The following AGBL4 variants were observed in gnomAD, a reference collection of about 807,000 sequenced individuals.
The protein encoded by AGBL4 is AGBL carboxypeptidase 4.
A neutral mutation model predicts 66.4 loss-of-function variants in AGBL4; 58 were observed. The ratio of observed to expected loss-of-function variants is 0.87; its 90% CI spans 0.71 to 1.09. The LOEUF (loss-of-function observed/expected upper bound fraction) is 1.09, where lower values mean the gene tolerates loss of function less well. Among genes scored for constraint, AGBL4 ranks in the 50% least tolerant of loss-of-function variants. The probability of loss-of-function intolerance (pLI) is 0.00; values close to 1 mark genes in which losing one functional copy is unlikely to be tolerated. For missense variants in AGBL4, 579 were observed against 631.0 expected (o/e 0.92, Z 0.88); for synonymous variants, 234 against 222.9 (o/e 1.05, Z -0.44).
chr1:49,479,937 G>A (rs1018590175), intron 3 of AGBL4, among the ~76,000 whole-genome samples: 1 of 151,656 alleles, frequency 6.6e-6, no homozygotes, highest in Non-Finnish European at 1.5e-5. Flanking sequence ...TCCATCTCCT[G>A]ACCTCGTGAT....
intron 4 of AGBL4, among the ~76,000 whole-genome samples, chr1:49,232,161 T>C (rs1250763050): frequency 6.6e-6 from 1 of 152,152 alleles, no homozygotes. Flanking sequence ...CAGTGATGGT[T>C]GCACAACTCT....
intron 4 of AGBL4, among the ~76,000 whole-genome samples, chr1:49,054,757 C>G (rs572111362): frequency 1.8e-4 from 28 of 152,066 alleles, no homozygotes; most frequent in African/African-American, 6.3e-4. Context: ...TCTTTACTGT[C>G]TGACATCAAT....
At chr1:49,572,980 G>T (rs545662024) in intron 3 of AGBL4, among the ~76,000 whole-genome samples, 2 of 152,134 alleles carry the variant, frequency 1.3e-5, no homozygotes, top group East Asian at 1.9e-4. Flanking sequence ...CATGCTGGAG[G>T]CTTCTTGCCC....
intron 2 of AGBL4, among the ~76,000 whole-genome samples, chr1:49,753,449 A>T (rs1466560460): frequency 6.6e-6 from 1 of 152,192 alleles, no homozygotes. Flanking sequence ...TGTTAGTCTG[A>T]TGGGCTTCCC....
intron 3 of AGBL4, among the ~76,000 whole-genome samples, chr1:49,266,633 G>A (rs1432849166): frequency 8.6e-6 from 1 of 116,820 alleles, no homozygotes; most frequent in Non-Finnish European, 1.8e-5. Context: ...ACACACACGC[G>A]AAGGTAGAGT....
intron 3 of AGBL4, among the ~76,000 whole-genome samples, chr1:49,488,679 C>T (rs1647121451): frequency 6.6e-6 from 1 of 151,708 alleles, no homozygotes; most frequent in Admixed American, 6.6e-5. Flanking sequence ...TTAACTGTCC[C>T]CACATCCCAC....
chr1:48,722,481 G>A (rs559059163), intron 6 of AGBL4, among the ~76,000 whole-genome samples: 1 of 140,416 alleles, frequency 7.1e-6, no homozygotes, highest in East Asian at 2.4e-4. Context: ...ATAATGAGTA[G>A]GGGGACTGGG....
At chr1:49,788,731 G>T (rs1441050767) in intron 2 of AGBL4, among the ~76,000 whole-genome samples, 1 of 152,200 alleles carries the variant, frequency 6.6e-6, no homozygotes, top group Non-Finnish European at 1.5e-5. Context: ...GAGAAATTAA[G>T]TTGAAGAAAA....
chr1:49,699,229 G>T (rs1364833555), intron 2 of AGBL4, among the ~76,000 whole-genome samples: 1 of 152,020 alleles, frequency 6.6e-6, no homozygotes, highest in Non-Finnish European at 1.5e-5. Context: ...TAAGCTTATA[G>T]TCTGAAAGAA....
chr1:49,932,143 A>G (rs1317285776), intron 1 of AGBL4, among the ~76,000 whole-genome samples: 1 of 152,228 alleles, frequency 6.6e-6, no homozygotes, highest in Admixed American at 6.5e-5. Flanking sequence ...CTGTACTGGC[A>G]TCAAGATAGG....
chr1:49,583,131 G>A (rs1644577608), intron 3 of AGBL4, among the ~76,000 whole-genome samples: 1 of 152,100 alleles, frequency 6.6e-6, no homozygotes, highest in Admixed American at 6.5e-5. Context: ...GGAATTTCCT[G>A]GGAGATAGGA....
At chr1:49,774,217 C>T (rs1392578243) in intron 2 of AGBL4, among the ~76,000 whole-genome samples, 1 of 152,200 alleles carries the variant, frequency 6.6e-6, no homozygotes, top group African/African-American at 2.4e-5. Flanking sequence ...GTAGCAATAA[C>T]TGCTGGCGTC....
intron 3 of AGBL4, among the ~76,000 whole-genome samples, chr1:49,302,427 G>C (rs1644762563): frequency 6.6e-6 from 1 of 151,408 alleles, no homozygotes; most frequent in African/African-American, 2.4e-5. Context: ...TAATTTTTTT[G>C]TATTTTTAGT....
chr1:48,827,515 A>G (rs1646451866), intron 6 of AGBL4, among the ~76,000 whole-genome samples: 1 of 152,096 alleles, frequency 6.6e-6, no homozygotes, highest in African/African-American at 2.4e-5. Context: ...GTTGGCCACC[A>G]TCCACACTGC....
intron 6 of AGBL4, among the ~76,000 whole-genome samples, chr1:48,801,075 T>C (rs934699984): frequency 1.8e-4 from 27 of 152,118 alleles, no homozygotes; most frequent in African/African-American, 5.8e-4. Flanking sequence ...TGCTGCATCA[T>C]ACAGGTTTCC....
chr1:49,833,781 T>C (rs969889948), intron 2 of AGBL4, among the ~76,000 whole-genome samples: 65 of 152,306 alleles, frequency 4.3e-4, no homozygotes, highest in Non-Finnish European at 7.5e-4. Context: ...CACTCATGAT[T>C]TGGCTCTCTG....
intron 2 of AGBL4, among the ~76,000 whole-genome samples, chr1:49,839,314 G>A (rs1031513859): frequency 2.0e-5 from 3 of 152,024 alleles, no homozygotes; most frequent in African/African-American, 7.2e-5. Flanking sequence ...TTAAATTTTT[G>A]GTCTACAGTT....
chr1:49,474,752 T>C (rs1646813828), intron 3 of AGBL4, among the ~76,000 whole-genome samples: 1 of 152,068 alleles, frequency 6.6e-6, no homozygotes, highest in Non-Finnish European at 1.5e-5. Context: ...TTGGTATTTA[T>C]TGTAGTCTTC....
chr1:48,966,015 T>C (rs1658385672), intron 5 of AGBL4, among the ~76,000 whole-genome samples: 1 of 152,126 alleles, frequency 6.6e-6, no homozygotes, highest in Non-Finnish European at 1.5e-5. Flanking sequence ...ACTAGCTGTT[T>C]TCATCTCAGA....
Sources: allele counts gnomAD v4.1 joint callset (sites outside exome capture counted in the v4.1 genomes callset), GRCh38; gene constraint gnomAD v4.1.1; transcripts MANE v1.5; gene names NCBI Gene and HGNC (gene_info 2026-07-23, HGNC 2026-07-21).